Variants in PTPRM observed in about 807,000 individuals in gnomAD.
PTPRM encodes protein tyrosine phosphatase receptor type M.
PTPRM carries 47 observed loss-of-function variants against 186.7 expected under a neutral mutation model. The observed-to-expected ratio is 0.25, with a 90% CI of 0.20 to 0.32. The LOEUF is 0.32. PTPRM is among the 10% of genes least tolerant of loss of function. The pLI is 1.00. For missense variants in PTPRM, 1,494 were observed against 1,865.0 expected (o/e 0.80, Z 3.66); for synonymous variants, 668 against 674.9 (o/e 0.99, Z 0.16).
chr18:8,065,122 C>A (rs1265740817), intron 7 of PTPRM, among the ~76,000 whole-genome samples: 1 of 152,136 alleles, frequency 6.6e-6, no homozygotes, highest in East Asian at 1.9e-4. Context: ...CCAAATATCT[C>A]TCACAGGTTC....
At chr18:7,853,912 T>C (rs550302073) in intron 2 of PTPRM, among the ~76,000 whole-genome samples, 1 of 152,322 alleles carries the variant, frequency 6.6e-6, no homozygotes, top group Admixed American at 6.5e-5. Flanking sequence ...AGTCTGGTTG[T>C]CTTTTCATTC....
chr18:8,181,636 A>G (rs776308120), intron 14 of PTPRM, among the ~76,000 whole-genome samples: 2 of 152,220 alleles, frequency 1.3e-5, no homozygotes, highest in South Asian at 2.1e-4. Flanking sequence ...CTGCTTGTGC[A>G]TCTTAGAAGA....
intron 1 of PTPRM, among the ~76,000 whole-genome samples, chr18:7,624,411 A>C (rs2038010622): frequency 6.6e-6 from 1 of 152,070 alleles, no homozygotes; most frequent in South Asian, 2.1e-4. Flanking sequence ...AGACTGACTG[A>C]CTGGATTTTG....
chr18:7,635,788 A>G (rs1458140635), intron 1 of PTPRM, among the ~76,000 whole-genome samples: 1 of 152,234 alleles, frequency 6.6e-6, no homozygotes. Context: ...ATGAACCAGA[A>G]GTCACATTTG....
intron 23 of PTPRM, among the ~76,000 whole-genome samples, chr18:8,354,082 G>A (rs949133622): frequency 3.3e-5 from 5 of 151,958 alleles, no homozygotes; most frequent in Admixed American, 2.6e-4. Flanking sequence ...GCGTGGTGGC[G>A]GGTGCCTGTA....
intron 23 of PTPRM, 41 bp from the exon 24 acceptor site, chr18:8,370,849 A>T: frequency 7.3e-7 from 1 of 1,361,742 alleles, no homozygotes; most frequent in Middle Eastern, 1.9e-4. Flanking sequence ...CTCCAAAAAA[A>T]CCAAACTGTA....
chr18:7,680,098 T>C (rs1465025296), intron 1 of PTPRM, among the ~76,000 whole-genome samples: 1 of 152,160 alleles, frequency 6.6e-6, no homozygotes, highest in Non-Finnish European at 1.5e-5. Flanking sequence ...ACTCCTGGAC[T>C]CAAGCAATAT....
At chr18:7,747,380 T>C (rs567033424) in intron 1 of PTPRM, among the ~76,000 whole-genome samples, 13 of 152,292 alleles carry the variant, frequency 8.5e-5, no homozygotes, top group Admixed American at 7.2e-4. Context: ...CTGTTTCATA[T>C]GCCAGCCATC....
intron 2 of PTPRM, among the ~76,000 whole-genome samples, chr18:7,846,095 A>G (rs1024552492): frequency 3.3e-5 from 5 of 152,172 alleles, no homozygotes; most frequent in African/African-American, 1.2e-4. Flanking sequence ...CTCTTCATTC[A>G]AGGCAATTCT....
intron 7 of PTPRM, among the ~76,000 whole-genome samples, chr18:8,030,956 A>G (rs1287959998): frequency 6.6e-6 from 1 of 152,236 alleles, no homozygotes; most frequent in African/African-American, 2.4e-5. Context: ...CCTAAATTTC[A>G]ACGTTGAATA....
intron 32 of PTPRM, among the ~76,000 whole-genome samples, chr18:8,395,719 T>C (rs531654533): frequency 8.5e-5 from 13 of 152,156 alleles, no homozygotes; most frequent in Non-Finnish European, 1.6e-4. Flanking sequence ...CAGAAAGGAC[T>C]GTGCTCCCCA....
At chr18:7,672,512 A>C (rs1277662915) in intron 1 of PTPRM, among the ~76,000 whole-genome samples, 1 of 152,226 alleles carries the variant, frequency 6.6e-6, no homozygotes, top group Admixed American at 6.5e-5. Context: ...ACAAAGAAGA[A>C]GATGCTATGC....
At chr18:8,367,408 C>T (rs530058815) in intron 23 of PTPRM, among the ~76,000 whole-genome samples, 1 of 152,378 alleles carries the variant, frequency 6.6e-6, no homozygotes, top group African/African-American at 2.4e-5. Context: ...ACCGCCGGGT[C>T]GGAGGCATCC....
intron 5 of PTPRM, among the ~76,000 whole-genome samples, chr18:7,945,072 G>A (rs2052427328): frequency 6.6e-6 from 1 of 152,120 alleles, no homozygotes; most frequent in African/African-American, 2.4e-5. Flanking sequence ...TCATGGGAGA[G>A]GGACCAGTGG....
intron 19 of PTPRM, among the ~76,000 whole-genome samples, chr18:8,273,711 T>C (rs905326518): frequency 1.3e-5 from 2 of 152,202 alleles, no homozygotes; most frequent in Non-Finnish European, 2.9e-5. Flanking sequence ...CATTGGTATA[T>C]ATGGGTCTTT....
intron 1 of PTPRM, among the ~76,000 whole-genome samples, chr18:7,659,727 CAT>C (rs2038935631): frequency 6.6e-6 from 1 of 152,176 alleles, no homozygotes; most frequent in Non-Finnish European, 1.5e-5. Flanking sequence ...ATTCGTGACA[CAT>C]GTTTTCTTTG....
chr18:8,255,070 C>G (rs184624508), intron 19 of PTPRM, among the ~76,000 whole-genome samples: 10 of 152,316 alleles, frequency 6.6e-5, no homozygotes, highest in Admixed American at 1.3e-4. Flanking sequence ...AATTGACTGC[C>G]TTTGCATATT....
At chr18:7,670,140 A>G (rs1344014803) in intron 1 of PTPRM, among the ~76,000 whole-genome samples, 2 of 151,934 alleles carry the variant, frequency 1.3e-5, no homozygotes, top group Non-Finnish European at 2.9e-5. Context: ...TATTATTTTA[A>G]TCTGTCATTA....
At chr18:7,764,518 G>A (rs2041929300) in intron 1 of PTPRM, among the ~76,000 whole-genome samples, 2 of 152,132 alleles carry the variant, frequency 1.3e-5, no homozygotes. Flanking sequence ...GCTGTTCCCA[G>A]AATATTCTAG....
Sources: allele counts gnomAD v4.1 joint callset (sites outside exome capture counted in the v4.1 genomes callset), GRCh38; gene constraint gnomAD v4.1.1; transcripts MANE v1.5; gene names NCBI Gene and HGNC (gene_info 2026-07-23, HGNC 2026-07-21).